The following ARHGAP30 variants were observed in gnomAD, a reference collection of about 807,000 sequenced individuals.
ARHGAP30 encodes the protein Rho GTPase activating protein 30, also known as rho GTPase-activating protein 30.
A neutral mutation model predicts 72.0 loss-of-function variants in ARHGAP30; 23 were observed. That is an observed-to-expected ratio of 0.32 (90% confidence interval 0.23 to 0.45). The LOEUF (loss-of-function observed/expected upper bound fraction) is 0.45, where lower values mean the gene tolerates loss of function less well. Ranked by LOEUF, ARHGAP30 falls within the 20% of genes least tolerant of loss-of-function variation. ARHGAP30 has a pLI of 1.00. For missense variants in ARHGAP30, 1,319 were observed against 1,383.4 expected (o/e 0.95, Z 0.74); for synonymous variants, 576 against 528.2 (o/e 1.09, Z -1.24).
intron 10 of ARHGAP30, among the ~76,000 whole-genome samples, chr1:161,050,295 CT>C (rs34136308): frequency 0.017 from 2,034 of 118,610 alleles, 12 homozygotes; most frequent in Middle Eastern, 0.029. Context: ...GCACTTGGAC[CT>C]TTTTTTTTTT....
chr1:161,048,007 C>T lies in ARHGAP30; in HGVS notation c.3014G>A (p.Arg1005Gln), dbSNP rs1367283033. 12 of 1,614,150 alleles carry T rather than the reference C, an allele frequency of 7.4e-6. No homozygotes were observed. The highest frequency in any genetic ancestry group is 2.2e-5 in the South Asian group (2 of 91,076). ...TTGAGCCTCAGTCCTTTGGCGGTCC[C>T]GGGCTAGGGCCACAGCAGCATCAAA... ...LSFDAAVALA[R>Q]DRQRTEAQGV... is the part of the protein sequence containing the mutation. Residue 1005 changes from arginine to glutamine, a missense_variant, in exon 12 of 12, where the codon CGG (arginine) becomes CAG (glutamine). Transcript: ENST00000368013.
At chr1:161,062,385 G>A (rs566388648) in intron 1 of ARHGAP30, among the ~76,000 whole-genome samples, 5 of 152,134 alleles carry the variant, frequency 3.3e-5, no homozygotes, top group East Asian at 1.9e-4. Context: ...TCCCGTGCCT[G>A]GAATTACCCT....
chr1:161,065,628 G>A (rs1452091518), intron 1 of ARHGAP30, among the ~76,000 whole-genome samples: 4 of 148,764 alleles, frequency 2.7e-5, no homozygotes, highest in Non-Finnish European at 5.9e-5. Flanking sequence ...GTGCAATGGC[G>A]CGATCTCAGT....
At position 161,049,020 on chromosome 1, in the gene ARHGAP30, G is replaced by C. The variant is rs201140225; in HGVS notation, c.2001C>G (p.Gly667=). ...VGEDKQAEPG[G]RLDIREEAEG... ...CTGCCTCTTCCCTGATGTCTAGCCT[G>C]CCTCCAGGCTCAGCCTGCTTGTCCT... The change falls in exon 12 of 12, where the codon GGC becomes GGG. Residue 667 remains glycine (G), a synonymous_variant. Transcript: ENST00000368013. 4 of 1,613,822 alleles carry C rather than the reference G, an allele frequency of 2.5e-6. No homozygotes were observed. Among genetic ancestry groups the C allele is most frequent in the Non-Finnish European group, 3.4e-6 (4 of 1,180,000 alleles).
Position 161,048,397 on chromosome 1 carries a change from G to A in ARHGAP30, c.2624C>T (p.Ala875Val), listed in dbSNP as rs1231939305. Residue 875 changes from alanine (A) to valine (V), a missense_variant, in exon 12 of 12, where the codon GCC (alanine) becomes GTC (valine). Physicochemically the swap from Ala to Val is moderately conservative, Grantham distance 64 (BLOSUM62 0). Coordinates refer to ENST00000368013, the MANE Select transcript of ARHGAP30 (RefSeq NM_001025598.2). ...SGVASLEVDC[A>V]KEGNPHSSEM... is the part of the protein sequence containing the mutation. ...AGAAGAGTGAGGATTGCCCTCTTTGGCACAGTCAACCTCCAGGGACGCTAC... is the reference window on the plus strand; with the variant it reads ...AGAAGAGTGAGGATTGCCCTCTTTGACACAGTCAACCTCCAGGGACGCTAC... The A allele has an allele frequency of 2.5e-6, 4 of 1,614,008 alleles. No homozygotes were observed. The highest frequency in any genetic ancestry group is 1.1e-5 in the South Asian group (1 of 91,080).
chr1:161,061,711 G>A (rs1478689586), intron 1 of ARHGAP30, among the ~76,000 whole-genome samples: 2 of 152,092 alleles, frequency 1.3e-5, no homozygotes, highest in Admixed American at 6.6e-5. Context: ...TTACTAGACT[G>A]TAAGCTTTTT....
At chr1:161,061,447 C>CCAGATAATTTTTGTATT (rs1170798581) in intron 1 of ARHGAP30, among the ~76,000 whole-genome samples, 2 of 150,580 alleles carry the variant, frequency 1.3e-5, no homozygotes, top group African/African-American at 4.8e-5. Context: ...GCCACCGCGC[C>CCAGATAATTTTTGTATT]TGACCTGCTT....
rs552945849 is a variant in ARHGAP30 at position 161,047,519 on chromosome 1, A to C, written c.*196T>G. On this transcript the variant is annotated 3_prime_UTR_variant, in exon 12 of 12. Transcript: ENST00000368013. ...TTTCTTGGGAATCTCCTAAGAGATA[A>C]GTGCTTTGTGTCGGAGACAAGTTCA... is the stretch of plus-strand genomic sequence containing the variant. 3 of 449,000 alleles carry C rather than the reference A, an allele frequency of 6.7e-6. No homozygotes were observed. The highest frequency in any genetic ancestry group is 1.1e-5 in the Non-Finnish European group (3 of 265,052). The allele number at this position is 449,000 out of a possible 1,614,324, so 27.8% of individuals were successfully genotyped here.
rs1553217386 is a variant in ARHGAP30 at position 161,053,501 on chromosome 1, T to TCTCTCTCG, written c.537-117_537-116insCGAGAGAG. 1.1e-4 allele frequency: 92 copies of TCTCTCTCG among 813,178 alleles called. No homozygotes were observed. The East Asian group carries it at 6.2e-3, about 55-fold the overall frequency. 50.4% of individuals were successfully genotyped at this position (813,178 alleles called of 1,614,324 possible). ...CTCTCTCTCTCTCTCTCTCTCTCTCTCTCTCGAATGACCTTAACCCCTTCT... is the reference window on the plus strand; with the variant it reads ...CTCTCTCTCTCTCTCTCTCTCTCTCTCTCTCTCGCTCTCGAATGACCTTAACCCCTTCT... On this transcript the variant is annotated intron_variant, in intron 5 of 11. Coordinates refer to ENST00000368013, the MANE Select transcript of ARHGAP30 (RefSeq NM_001025598.2).
At chr1:161,051,171 T>A (rs201587332) in intron 10 of ARHGAP30, 143 bp downstream of exon 10, 39 of 1,375,718 alleles carry the variant, frequency 2.8e-5, no homozygotes, top group Non-Finnish European at 3.7e-5. Flanking sequence ...TAATCCTGAA[T>A]CTAGGGAGGC....
rs373555942 is a variant in ARHGAP30, at chr1:161,069,531, C to G, written c.94G>C (p.Glu32Gln). ...GAAGCTGAGCCGGCCTCCTTACCCT[C>G]CTGGCCTGAGTGCTGCAGGTGCTCC... is the stretch of plus-strand genomic sequence containing the variant. ...LQEHLQHSGQ[E>Q]VPQVLKSCAE... The change falls in exon 1 of 12, where the codon GAG becomes CAG. Residue 32 changes from glutamate to glutamine, a missense_variant. By Grantham distance (29) the Glu-to-Gln change is conservative. Transcript: ENST00000368013. The surrounding 1 kb of genome is among the most constrained non-coding windows in gnomAD (Gnocchi z 4.9). 4.3e-6 allele frequency: 7 copies of G among 1,609,964 alleles called. No individual in the cohort carries two copies. Among genetic ancestry groups the G allele is most frequent in the Non-Finnish European group, 5.1e-6 (6 of 1,179,988 alleles).
In ARHGAP30 at chr1:161,053,241, G is replaced by A. The variant is rs1407920723; in HGVS notation, c.664+17C>T. On this transcript the variant is annotated intron_variant, in intron 6 of 11. Coordinates refer to ENST00000368013, the MANE Select transcript of ARHGAP30 (RefSeq NM_001025598.2). Reference sequence around the variant, plus strand: ...TCCCCAACAGTGGGATATGTGGAGGGCAGGAAGGACACTGACCAGAGAGGG... The same window carrying A: ...TCCCCAACAGTGGGATATGTGGAGGACAGGAAGGACACTGACCAGAGAGGG... 1.9e-6 allele frequency: 3 copies of A among 1,613,480 alleles called. No individual in the cohort carries two copies. Among genetic ancestry groups the A allele is most frequent in the Non-Finnish European group, 2.5e-6 (3 of 1,179,808 alleles).
At chr1:161,060,010 A>G (rs1216020531) in intron 1 of ARHGAP30, 3 of 345,412 alleles carry the variant, frequency 8.7e-6, no homozygotes, top group Non-Finnish European at 1.7e-5. Context: ...GGCTGGGTGC[A>G]GTGGCTCACC....
At chr1:161,067,706 G>A (rs1652868243) in intron 1 of ARHGAP30, among the ~76,000 whole-genome samples, 1 of 152,176 alleles carries the variant, frequency 6.6e-6, no homozygotes, top group Admixed American at 6.5e-5. Context: ...GGCTGAGATG[G>A]AGCAAGGCTG....
chr1:161,067,448 T>G (rs1652850190), intron 1 of ARHGAP30, among the ~76,000 whole-genome samples: 1 of 152,070 alleles, frequency 6.6e-6, no homozygotes, highest in Non-Finnish European at 1.5e-5. Flanking sequence ...TGCCTGCCTG[T>G]AATCCCAGCT....
chr1:161,060,206 A>G (rs777348266), intron 1 of ARHGAP30: 1 of 453,082 alleles, frequency 2.2e-6, no homozygotes. Flanking sequence ...ACCTGAGCCC[A>G]GGAGGCAAGG....
Position 161,048,035 on chromosome 1 carries a change from A to G in ARHGAP30, c.2986T>C (p.Ser996Pro). 3 of 1,614,148 alleles carry G rather than the reference A, an allele frequency of 1.9e-6. No individual in the cohort carries two copies. The highest frequency in any genetic ancestry group is 2.5e-6 in the Non-Finnish European group (3 of 1,180,014). The change falls in exon 12 of 12, where the codon TCC becomes CCC. Residue 996 changes from serine to proline, a missense_variant. Ser to Pro is a moderately conservative substitution (Grantham distance 74). Coordinates refer to ENST00000368013, the MANE Select transcript of ARHGAP30 (RefSeq NM_001025598.2). ...RSSWRNGGSL[S>P]FDAAVALARD... ...GCTAGGGCCACAGCAGCATCAAAGG[A>G]AAGACTACCCCCATTCCTCCAAGAG...
chr1:161,054,516 G>T lies in ARHGAP30; in HGVS notation c.429-43C>A, dbSNP rs769790318. ...AGGGATCACACAGGGAATGCCCAGGGCAGGCATTAGGGCTGGGACCTGGGA... is the reference window on the plus strand; with the variant it reads ...AGGGATCACACAGGGAATGCCCAGGTCAGGCATTAGGGCTGGGACCTGGGA... On this transcript the variant is annotated intron_variant, in intron 4 of 11. Transcript: ENST00000368013. 1.7e-5 allele frequency: 28 copies of T among 1,601,390 alleles called. 1 individual carries two copies. In the South Asian group the frequency reaches 2.5e-4, roughly 14 times the overall value.
At position 161,048,753 on chromosome 1, in the gene ARHGAP30, T is replaced by A; in HGVS notation, c.2268A>T (p.Glu756Asp). ...CTTCTACCTGGGCTTCCTCTCTTTG[T>A]TCATCCTCTTCTCTCTCAATTTCTT... ...KEKEIEREED[E>D]QREEAQVEAG... is the part of the protein sequence containing the mutation. Residue 756 changes from glutamate to aspartate, a missense_variant, in exon 12 of 12, where the codon GAA becomes GAT. Transcript: ENST00000368013. The A allele has an allele frequency of 6.2e-7, 1 of 1,614,030 alleles. No homozygotes were observed. The highest frequency in any genetic ancestry group is 1.7e-5 in the Admixed American group (1 of 60,002).
Sources: allele counts gnomAD v4.1 joint callset (sites outside exome capture counted in the v4.1 genomes callset), GRCh38; gene constraint gnomAD v4.1.1; non-coding constraint Gnocchi (gnomAD v3.1); transcripts MANE v1.5; gene names NCBI Gene and HGNC (gene_info 2026-07-23, HGNC 2026-07-21).